Variants in MYO7B observed in about 807,000 individuals in gnomAD.
The protein encoded by MYO7B is myosin VIIB.
A neutral mutation model predicts 259.7 loss-of-function variants in MYO7B; 212 were observed. The observed-to-expected ratio is 0.82, with a 90% CI of 0.73 to 0.91. The LOEUF (loss-of-function observed/expected upper bound fraction) is 0.91, where lower values mean the gene tolerates loss of function less well. MYO7B is among the 40% of genes least tolerant of loss of function. MYO7B has a pLI of 0.00. For missense variants in MYO7B, 2,732 were observed against 2,813.5 expected, an observed-to-expected ratio of 0.97 and a Z score of 0.66; for synonymous variants, 1,197 against 1,166.4, an observed-to-expected ratio of 1.03 and a Z score of -0.54.
chr2:127,632,279 G>A lies in MYO7B; in HGVS notation c.5283G>A (p.Trp1761Ter). The change falls in exon 39 of 48, where the codon TGG becomes TGA. Residue 1761 changes from tryptophan (W) to a stop codon, truncating the protein, a stop_gained. Transcript: ENST00000409816. LOFTEE classifies it high-confidence loss of function. ...AAGAGCGGGGCTGGCAGCTGCTGTGGCTGTGCACGGGCCTCTTCCCGCCCA... is the reference window on the plus strand; with the variant it reads ...AAGAGCGGGGCTGGCAGCTGCTGTGACTGTGCACGGGCCTCTTCCCGCCCA... ...HSEERGWQLLWLCTGLFPPSK... is the reference protein window; with the variant it reads ...HSEERGWQLL 1 of 1,611,866 alleles carries A rather than the reference G, an allele frequency of 6.2e-7. No individual in the cohort carries two copies. Among genetic ancestry groups the A allele is most frequent in the Non-Finnish European group, 8.5e-7 (1 of 1,179,586 alleles).
chr2:127,574,611 T>G (rs1231688190), intron 7 of MYO7B, among the ~76,000 whole-genome samples: 1 of 152,232 alleles, frequency 6.6e-6, no homozygotes, highest in Non-Finnish European at 1.5e-5. Context: ...CTACCATTCC[T>G]CATCCCTACT....
intron 9 of MYO7B, among the ~76,000 whole-genome samples, chr2:127,578,938 C>T (rs571437621): frequency 2.0e-5 from 3 of 151,964 alleles, no homozygotes; most frequent in East Asian, 1.9e-4. Flanking sequence ...ATTTAGACAG[C>T]GAATGGGAAA....
chr2:127,625,226 G>A (rs1321307515), intron 30 of MYO7B, 142 bp from the exon 31 acceptor site: 2 of 978,446 alleles, frequency 2.0e-6, no homozygotes, highest in Non-Finnish European at 2.9e-6. Context: ...AGGGCATGCA[G>A]GGAGGGGGAA....
chr2:127,637,284 C>T, intron 47 of MYO7B, 32 bp from the exon 48 acceptor site: 1 of 1,492,668 alleles, frequency 6.7e-7, no homozygotes, highest in Non-Finnish European at 9.0e-7. Context: ...CCTCTGCACC[C>T]ACAGCCTCTG....
chr2:127,554,502 T>C (rs62156602), intron 1 of MYO7B, among the ~76,000 whole-genome samples: 3,612 of 152,352 alleles, frequency 0.024, 53 homozygotes, highest in Non-Finnish European at 0.034. Context: ...GTTAAGGATT[T>C]TTGCATCTAT....
intron 19 of MYO7B, among the ~76,000 whole-genome samples, chr2:127,604,223 A>G (rs113744151): frequency 0.1 from 15,376 of 152,328 alleles, 1,056 homozygotes; most frequent in Middle Eastern, 0.17. Context: ...CAGCTTCTCC[A>G]TCAGCACTTG....
At position 127,611,028 on chromosome 2, in the gene MYO7B, G is replaced by A. The variant is rs1680364639; in HGVS notation, c.3192+1012G>A. Among the ~76,000 whole-genome samples, 1 of 152,206 alleles carries A rather than the reference G, an allele frequency of 6.6e-6. No individual in the cohort carries two copies. Among genetic ancestry groups the A allele is most frequent in the Non-Finnish European group, 1.5e-5 (1 of 68,038 alleles). On this transcript the variant is annotated intron_variant, in intron 24 of 47. Coordinates refer to ENST00000409816, the MANE Select transcript of MYO7B (RefSeq NM_001393586.1). This position sits in a 1 kb window ranked among gnomAD's most constrained non-coding sequence, Gnocchi z 5.4. ...CTTAGCTGCATAGTCCCAGTTCAGG[G>A]TCCCTCATGAGGTTGCTGTCAAGCT...
At position 127,590,970 on chromosome 2, in the gene MYO7B, G is replaced by C. The variant is rs575083397; in HGVS notation, c.1992+741G>C. 9.8e-4 allele frequency among the ~76,000 whole-genome samples: 149 copies of C among 152,310 alleles called. No individual in the cohort carries two copies. The highest frequency in any genetic ancestry group is 3.2e-3 in the African/African-American group (131 of 41,554). ...GCACTTTGGGAGGCTGAGGCGGGAGGATTGCTTGAGGCAAGCCTGGGCAAC... is the reference window on the plus strand; with the variant it reads ...GCACTTTGGGAGGCTGAGGCGGGAGCATTGCTTGAGGCAAGCCTGGGCAAC... On this transcript the variant is annotated intron_variant, in intron 16 of 47. Transcript: ENST00000409816. The surrounding 1 kb of genome is among the most constrained non-coding windows in gnomAD (Gnocchi z 4.6).
chr2:127,592,894 A>G lies in MYO7B; in HGVS notation c.2093A>G (p.Glu698Gly), dbSNP rs757653748. Residue 698 changes from glutamate (E) to glycine (G), a missense_variant, in exon 17 of 48, where the codon GAG becomes GGG. Coordinates refer to ENST00000409816, the MANE Select transcript of MYO7B (RefSeq NM_001393586.1). ...GGCTTCCCCATCCGCTACACGTTCG[A>G]GGAGTTCTCGCAGAGGTTCGGCGTG... is the stretch of plus-strand genomic sequence containing the variant. ...KSGFPIRYTF[E>G]EFSQRFGVLL... is the part of the protein sequence containing the mutation. 6.2e-7 allele frequency: 1 copy of G among 1,608,586 alleles called. No homozygotes were observed. The highest frequency in any genetic ancestry group is 8.5e-7 in the Non-Finnish European group (1 of 1,178,034).
At chr2:127,566,894 C>A in intron 5 of MYO7B, 67 bp downstream of exon 5, 1 of 1,500,594 alleles carries the variant, frequency 6.7e-7, no homozygotes, top group Non-Finnish European at 9.0e-7. Flanking sequence ...AGCATGCCTG[C>A]AAGATCAGGC....
At chr2:127,596,611 C>T (rs1474381779) in intron 19 of MYO7B, 55 bp downstream of exon 19, 7 of 1,406,000 alleles carry the variant, frequency 5.0e-6, no homozygotes, top group African/African-American at 4.3e-5. Flanking sequence ...AGTGTCCCCA[C>T]ACAGGCCTGC....
chr2:127,584,386 C>G lies in MYO7B; in HGVS notation c.1554+54C>G. ...GTGGAGGCCCTGCTATGGGTCTCCTCTTGGAGGCTGGGAAACTCCATTTGG... is the reference window on the plus strand; with the variant it reads ...GTGGAGGCCCTGCTATGGGTCTCCTGTTGGAGGCTGGGAAACTCCATTTGG... On this transcript the variant is annotated intron_variant, in intron 13 of 47. Coordinates refer to ENST00000409816, the MANE Select transcript of MYO7B (RefSeq NM_001393586.1). The surrounding 1 kb of genome is among the most constrained non-coding windows in gnomAD (Gnocchi z 5.8). The G allele has an allele frequency of 6.3e-7, 1 of 1,574,950 alleles. No individual in the cohort carries two copies. Among genetic ancestry groups the G allele is most frequent in the Non-Finnish European group, 8.7e-7 (1 of 1,148,328 alleles).
At position 127,631,236 on chromosome 2, in the gene MYO7B, C is replaced by T. The variant is rs1041209467; in HGVS notation, c.4968C>T (p.Ala1656=). The T allele has an allele frequency of 2.5e-5, 40 of 1,608,396 alleles. No individual in the cohort carries two copies. The highest frequency in any genetic ancestry group is 8.0e-5 in the African/African-American group (6 of 74,856). ...CAGAGAAGGACATGGTGAGCATGGC[C>T]GTGCTGCCCCTGGCCCGTGCCCGTG... The part of the protein sequence containing the change: ...RAPEKDMVSM[A]VLPLARARGH... Residue 1656 remains alanine, a synonymous_variant, in exon 37 of 48, where the codon GCC becomes GCT. Coordinates refer to ENST00000409816, the MANE Select transcript of MYO7B (RefSeq NM_001393586.1).
intron 35 of MYO7B, among the ~76,000 whole-genome samples, 197 bp downstream of exon 35, chr2:127,630,023 G>A (rs1486165576): frequency 6.6e-6 from 1 of 152,210 alleles, no homozygotes; most frequent in Non-Finnish European, 1.5e-5. Context: ...TACTTAGTAG[G>A]TCCTCAATAA....
rs371259809 is a variant in MYO7B, at chr2:127,580,788, C to A, written c.1046C>A (p.Thr349Lys). Residue 349 changes from threonine to lysine, a missense_variant, in exon 10 of 48, where the codon ACG becomes AAG. Physicochemically the swap from Thr to Lys is moderately conservative, Grantham distance 78. Transcript: ENST00000409816. ...ENLDASDVMETPAFPTVMKLL... is the reference protein window; with the variant it reads ...ENLDASDVMEKPAFPTVMKLL... ...CTGGACGCCTCAGACGTGATGGAGA[C>A]GCCCGCCTTTCCCACCGTGATGAAG... is the stretch of plus-strand genomic sequence containing the variant. 1 of 1,613,426 alleles carries A rather than the reference C, an allele frequency of 6.2e-7. No individual in the cohort carries two copies. Among genetic ancestry groups the A allele is most frequent in the African/African-American group, 1.3e-5 (1 of 74,938 alleles).
In MYO7B at chr2:127,577,148, C is replaced by A. The variant is rs1216687882; in HGVS notation, c.849+440C>A. Reference sequence around the variant, plus strand: ...GCTGCACCCGCCACCTAGGACAGGGCGGCACCACAGCCATCGCTCATTAGC... The same window carrying A: ...GCTGCACCCGCCACCTAGGACAGGGAGGCACCACAGCCATCGCTCATTAGC... On this transcript the variant is annotated intron_variant, in intron 8 of 47. Transcript: ENST00000409816. This position sits in a 1 kb window ranked among gnomAD's most constrained non-coding sequence, Gnocchi z 5.2. Among the ~76,000 whole-genome samples the A allele has an allele frequency of 1.3e-5, 2 of 152,280 alleles. No homozygotes were observed. The highest frequency in any genetic ancestry group is 3.9e-4 in the East Asian group (2 of 5,180).
intron 1 of MYO7B, among the ~76,000 whole-genome samples, chr2:127,556,268 T>TA (rs1248281989): frequency 6.6e-6 from 1 of 152,228 alleles, no homozygotes; most frequent in Non-Finnish European, 1.5e-5. Context: ...TCCACCCCTT[T>TA]AAGTTTATGT....
In MYO7B at chr2:127,626,979, C is replaced by T. The variant is rs200104496; in HGVS notation, c.4220C>T (p.Pro1407Leu). ...ACATCCAGGATCCCCCCTCAGGCCC[C>T]ATACACTCAGAAGCAAGTCACACCA... ...SLVTAACAKA[P>L]YTQKQVTPLA... is the part of the protein sequence containing the mutation. Residue 1407 changes from proline to leucine, a missense_variant, in exon 32 of 48, where the codon CCA (proline) becomes CTA (leucine). Pro to Leu is a moderately conservative substitution (Grantham distance 98). Coordinates refer to ENST00000409816, the MANE Select transcript of MYO7B (RefSeq NM_001393586.1). 973 of 1,610,692 alleles carry T rather than the reference C, an allele frequency of 6.0e-4. 2 individuals are homozygous for T. Among genetic ancestry groups the T allele is most frequent in the Non-Finnish European group, 7.7e-4 (904 of 1,178,772 alleles).
At chr2:127,565,957 G>A (rs896402190) in intron 4 of MYO7B, among the ~76,000 whole-genome samples, 1 of 152,254 alleles carries the variant, frequency 6.6e-6, no homozygotes, top group African/African-American at 2.4e-5. Flanking sequence ...GCCACTGCCT[G>A]CCTGGGCCTC....
Sources: allele counts gnomAD v4.1 joint callset (sites outside exome capture counted in the v4.1 genomes callset), GRCh38; gene constraint gnomAD v4.1.1; non-coding constraint Gnocchi (gnomAD v3.1); transcripts MANE v1.5; gene names NCBI Gene and HGNC (gene_info 2026-07-23, HGNC 2026-07-21).